Variants in SEZ6L2 observed in about 807,000 individuals in gnomAD.
SEZ6L2 encodes seizure 6-like protein 2.
In SEZ6L2, 44 loss-of-function variants were observed where a neutral mutation model predicts 97.0. The observed-to-expected ratio is 0.45, with a 90% CI of 0.36 to 0.58. The LOEUF (loss-of-function observed/expected upper bound fraction) is 0.58, where lower values mean the gene tolerates loss of function less well. Ranked by LOEUF, SEZ6L2 falls within the 20% of genes least tolerant of loss-of-function variation. SEZ6L2 has a pLI of 0.00. For synonymous variants in SEZ6L2, 543 were observed against 546.1 expected, an observed-to-expected ratio of 0.99 and a Z score of 0.08; for missense variants, 1,086 against 1,233.3, an observed-to-expected ratio of 0.88 and a Z score of 1.79.
At chr16:29,874,944 G>C (rs956861386) in intron 12 of SEZ6L2, among the ~76,000 whole-genome samples, 1 of 151,984 alleles carries the variant, frequency 6.6e-6, no homozygotes, top group South Asian at 2.1e-4. Context: ...GTGAGATCAC[G>C]GCTCACTGCA....
Position 29,887,818 on chromosome 16 carries a change from C to T in SEZ6L2, c.1040-1G>A. On this transcript the variant is annotated splice_acceptor_variant, in intron 6 of 17. Transcript: ENST00000617533. LOFTEE classifies it high-confidence loss of function. Reference sequence around the variant, plus strand: ...TTGTGGATGGTGCCACCACAGGATGCTGTGGGCAGAGGAGGGGTACGTTAA... The same window carrying T: ...TTGTGGATGGTGCCACCACAGGATGTTGTGGGCAGAGGAGGGGTACGTTAA... The T allele has an allele frequency of 6.2e-7, 1 of 1,613,570 alleles. No individual in the cohort carries two copies. Among genetic ancestry groups the T allele is most frequent in the Non-Finnish European group, 8.5e-7 (1 of 1,179,878 alleles).
chr16:29,872,681 G>T (rs1233779512), intron 15 of SEZ6L2, 24 bp downstream of exon 15: 6 of 1,612,614 alleles, frequency 3.7e-6, no homozygotes, highest in Non-Finnish European at 4.2e-6. Flanking sequence ...GCCAGCCTGG[G>T]TCTCCACCTG....
At position 29,871,571 on chromosome 16, in the gene SEZ6L2, G is replaced by T. The variant is rs2067780831; in HGVS notation, c.*128C>A. The T allele has an allele frequency of 1.1e-6, 1 of 923,376 alleles. No individual in the cohort carries two copies. The highest frequency in any genetic ancestry group is 1.7e-6 in the Non-Finnish European group (1 of 575,286). 57.2% of individuals were successfully genotyped at this position (923,376 alleles called of 1,614,324 possible). A position where few individuals can be genotyped will look rare whatever the true frequency, so the allele number is the denominator to read the frequency against. Reference sequence around the variant, plus strand: ...CCAGGGCCATCAAAGCCCCCTCGTGGGATAGGGAGACTATTTACACAGCCA... The same window carrying T: ...CCAGGGCCATCAAAGCCCCCTCGTGTGATAGGGAGACTATTTACACAGCCA... On this transcript the variant is annotated 3_prime_UTR_variant, in exon 18 of 18. Coordinates refer to ENST00000617533, the MANE Select transcript of SEZ6L2 (RefSeq NM_001243332.2).
At chr16:29,877,029 G>A in intron 11 of SEZ6L2, 79 bp from the exon 12 acceptor site, 1 of 1,409,888 alleles carries the variant, frequency 7.1e-7, no homozygotes, top group Non-Finnish European at 9.6e-7. Flanking sequence ...TTTGCTCTGT[G>A]CCCCCTCCCG....
chr16:29,890,416 C>T (rs975439425), intron 5 of SEZ6L2, among the ~76,000 whole-genome samples: 11 of 152,152 alleles, frequency 7.2e-5, no homozygotes, highest in Non-Finnish European at 1.3e-4. Flanking sequence ...CTGCCCATGC[C>T]CAACAGAATC....
chr16:29,877,967 T>C (rs1395984680), intron 10 of SEZ6L2, among the ~76,000 whole-genome samples: 2 of 152,198 alleles, frequency 1.3e-5, no homozygotes, highest in African/African-American at 4.8e-5. Flanking sequence ...ACAGTTTGGG[T>C]CTGTGTCCGT....
chr16:29,877,545 T>C (rs910472033), intron 10 of SEZ6L2, 78 bp from the exon 11 acceptor site: 1 of 1,310,178 alleles, frequency 7.6e-7, no homozygotes, highest in Non-Finnish European at 1.0e-6. Flanking sequence ...TCCTCAACTC[T>C]GCTCATTGGT....
chr16:29,885,245 T>C (rs536685085), intron 8 of SEZ6L2, among the ~76,000 whole-genome samples: 29 of 151,832 alleles, frequency 1.9e-4, no homozygotes, highest in Admixed American at 1.1e-3. Flanking sequence ...AAAAATTAAG[T>C]TGGTGGTATG....
intron 2 of SEZ6L2, among the ~76,000 whole-genome samples, chr16:29,897,603 G>A (rs1373538575): frequency 7.0e-6 from 1 of 143,162 alleles, no homozygotes; most frequent in Non-Finnish European, 1.5e-5. Context: ...TTCCATCTCT[G>A]TTTCTATGTG....
Position 29,878,311 on chromosome 16 carries a change from T to C in SEZ6L2, c.1688A>G (p.Lys563Arg). Reference protein sequence around the residue: ...CVWGVHVQEEKRILLQVEILN... With the variant: ...CVWGVHVQEERRILLQVEILN... ...CATCTCAACTTGGAGCAAGATGCGCTTCTCTTCCTGGACGTGCACGCCCCA... is the reference window on the plus strand; with the variant it reads ...CATCTCAACTTGGAGCAAGATGCGCCTCTCTTCCTGGACGTGCACGCCCCA... Residue 563 changes from lysine to arginine, a missense_variant, in exon 10 of 18, where the codon AAG becomes AGG. This residue lies in a region of SEZ6L2 where 776 missense variants were observed against 794.7 expected (regional missense o/e 0.98). Transcript: ENST00000617533. The C allele has an allele frequency of 6.3e-7, 1 of 1,594,420 alleles. No homozygotes were observed. The highest frequency in any genetic ancestry group is 8.6e-7 in the Non-Finnish European group (1 of 1,169,426).
chr16:29,887,886 C>G (rs952592929), intron 6 of SEZ6L2, 69 bp from the exon 7 acceptor site: 228 of 1,543,274 alleles, frequency 1.5e-4, no homozygotes, highest in Non-Finnish European at 2.0e-4. Flanking sequence ...GGGCCTCGGC[C>G]CGTTTTCAGA....
chr16:29,890,514 G>A (rs1409617702), intron 5 of SEZ6L2, among the ~76,000 whole-genome samples: 2 of 152,012 alleles, frequency 1.3e-5, no homozygotes, highest in African/African-American at 4.8e-5. Context: ...GATCTCCCAA[G>A]ACCGATATAG....
rs746457574 is a variant in SEZ6L2 at position 29,898,902 on chromosome 16, G to A, written c.79+39C>T. ...AGGAGGGTGGAGGACCCCGCTGGAC[G>A]CCTTCCTGGGGCCCACCCCCACAGT... On this transcript the variant is annotated intron_variant, in intron 1 of 17. Coordinates refer to ENST00000617533, the MANE Select transcript of SEZ6L2 (RefSeq NM_001243332.2). 19 of 1,529,088 alleles carry A rather than the reference G, an allele frequency of 1.2e-5. No homozygotes were observed. The South Asian group carries it at 1.9e-4, about 16-fold the overall frequency. 94.7% of individuals were successfully genotyped at this position (1,529,088 alleles called of 1,614,324 possible). A position where few individuals can be genotyped will look rare whatever the true frequency, so the allele number is the denominator to read the frequency against.
intron 5 of SEZ6L2, among the ~76,000 whole-genome samples, chr16:29,890,067 C>G (rs558194483): frequency 6.6e-6 from 1 of 152,156 alleles, no homozygotes; most frequent in South Asian, 2.1e-4. Flanking sequence ...TGCGACCATG[C>G]CTAGCTAATT....
chr16:29,895,788 C>G lies in SEZ6L2; in HGVS notation c.584G>C (p.Arg195Pro). The change falls in exon 4 of 18, where the codon CGC becomes CCC. Residue 195 changes from arginine to proline, a missense_variant. Around this residue, in one of 2 missense-constraint regions of SEZ6L2, gnomAD observed 776 missense variants for 794.7 expected, o/e 0.98. Coordinates refer to ENST00000617533, the MANE Select transcript of SEZ6L2 (RefSeq NM_001243332.2). ...ESPDLGSPVS[R>P]TLGLLDCTYS... ...AGTGCAGTCCAGGAGCCCCAGGGTGCGGCTGACGGGGCTCCCCAGATCTGG... is the reference window on the plus strand; with the variant it reads ...AGTGCAGTCCAGGAGCCCCAGGGTGGGGCTGACGGGGCTCCCCAGATCTGG... The G allele has an allele frequency of 6.2e-7, 1 of 1,613,858 alleles. No individual in the cohort carries two copies.
rs758674415 is a variant in SEZ6L2, at chr16:29,879,992, C to A, written c.1445G>T (p.Arg482Leu). The change falls in exon 9 of 18, where the codon CGC becomes CTC. Residue 482 changes from arginine to leucine, a missense_variant. By Grantham distance (102) the Arg-to-Leu change is moderately radical (BLOSUM62 -2). Coordinates refer to ENST00000617533, the MANE Select transcript of SEZ6L2 (RefSeq NM_001243332.2). ...GNVTTTDPEYRPGALATFSCL... is the reference protein window; with the variant it reads ...GNVTTTDPEYLPGALATFSCL... ...CGAGAAGGTTGCCAGTGCCCCTGGG[C>A]GATACTCAGGGTCCGTGGTAGTGAC... The A allele has an allele frequency of 3.7e-6, 6 of 1,614,108 alleles. No individual in the cohort carries two copies. In the Admixed American group the frequency reaches 1.0e-4, roughly 27 times the overall value.
intron 8 of SEZ6L2, among the ~76,000 whole-genome samples, chr16:29,882,437 C>T (rs992940191): frequency 1.8e-4 from 28 of 151,488 alleles, no homozygotes; most frequent in African/African-American, 6.3e-4. Flanking sequence ...ATTAGCTGGG[C>T]GTGGTGGTAC....
chr16:29,884,090 C>CA (rs2068081692), intron 8 of SEZ6L2, among the ~76,000 whole-genome samples: 6 of 152,064 alleles, frequency 3.9e-5, no homozygotes. Flanking sequence ...AGGCCTTCCC[C>CA]ACTCCCAGTC....
At chr16:29,896,289 A>T (rs1360878487) in intron 3 of SEZ6L2, among the ~76,000 whole-genome samples, 3 of 151,338 alleles carry the variant, frequency 2.0e-5, no homozygotes, top group Non-Finnish European at 4.4e-5. Context: ...TTTTATTTTT[A>T]TTTTTTTAAG....
Sources: gnomAD v4.1 joint callset for allele counts (sites outside exome capture counted in the v4.1 genomes callset) on GRCh38, gnomAD v4.1.1 for gene constraint, gnomAD v4.1.1 regional missense constraint, MANE v1.5 for transcripts, NCBI Gene and HGNC (gene_info 2026-07-23, HGNC 2026-07-21) for gene names.